Variants in CLUH observed in about 807,000 individuals in gnomAD.
The protein encoded by CLUH is clustered mitochondria protein homolog.
In CLUH, 77 loss-of-function variants were observed where a neutral mutation model predicts 139.3. The observed-to-expected ratio is 0.55, with a 90% CI of 0.46 to 0.67. The LOEUF is 0.67. Among genes scored for constraint, CLUH ranks in the 30% least tolerant of loss-of-function variants. The pLI is 0.00. For missense variants in CLUH, 1,876 were observed against 1,875.8 expected (o/e 1.00, Z 0.00); for synonymous variants, 999 against 801.6 (o/e 1.25, Z -4.16).
intron 9 of CLUH, among the ~76,000 whole-genome samples, chr17:2,699,593 G>A (rs1399664809): frequency 6.6e-6 from 1 of 152,074 alleles, no homozygotes; most frequent in Non-Finnish European, 1.5e-5. Flanking sequence ...CTCCCAAAGT[G>A]CTAGGATTAC....
At position 2,695,388 on chromosome 17, in the gene CLUH, G is replaced by T; in HGVS notation, c.2530C>A (p.Leu844Met). 1.9e-6 allele frequency: 3 copies of T among 1,612,820 alleles called. No individual in the cohort carries two copies. Among genetic ancestry groups the T allele is most frequent in the Non-Finnish European group, 2.5e-6 (3 of 1,179,702 alleles). ...LVLRSPARHQ[L>M]DHVFKIGIGE... ...GCAGCACTCACAAAGACGTGGTCCA[G>T]CTGGTGGCGGGCCGGGCTCCGCAGC... Residue 844 changes from leucine to methionine, a missense_variant, in exon 14 of 26, where the codon CTG becomes ATG. Physicochemically the swap from Leu to Met is conservative, Grantham distance 15. Coordinates refer to ENST00000651024, the MANE Select transcript of CLUH (RefSeq NM_001366661.1).
At position 2,694,861 on chromosome 17, in the gene CLUH, C is replaced by A; in HGVS notation, c.2848G>T (p.Glu950Ter). 1 of 1,495,204 alleles carries A rather than the reference C, an allele frequency of 6.7e-7. No homozygotes were observed. 92.6% of individuals were successfully genotyped at this position (1,495,204 alleles called of 1,614,324 possible). ...CCGCCCCTGCCCCGCACGCACCACT[C>A]GAGGTCGAAGTCAAAGTAGTTCTTG... ...EAKNYFDFDLECETVDQAVET... is the reference protein window; with the variant it reads ...EAKNYFDFDL Residue 950 changes from glutamate (E) to a stop codon, truncating the protein, a stop_gained, in exon 16 of 26, where the codon GAG (glutamate) becomes TAG (stop). Transcript: ENST00000651024. LOFTEE classifies it high-confidence loss of function.
At chr17:2,694,324 C>T (rs377396980) in intron 17 of CLUH, 48 bp from the exon 18 acceptor site, 2 of 1,546,720 alleles carry the variant, frequency 1.3e-6, no homozygotes, top group Admixed American at 1.9e-5. Context: ...CCAGGTTCAG[C>T]GGGTTGGCAC....
chr17:2,693,146 A>AAAAAAAAT (rs1231802236), intron 19 of CLUH, among the ~76,000 whole-genome samples: 1 of 150,106 alleles, frequency 6.7e-6, no homozygotes, highest in East Asian at 1.9e-4. Context: ...TGTTACAAAA[A>AAAAAAAAT]AAAAAAAAAA....
At position 2,700,428 on chromosome 17, in the gene CLUH, C is replaced by G; in HGVS notation, c.1220G>C (p.Arg407Pro). The G allele has an allele frequency of 6.2e-7, 1 of 1,613,316 alleles. No homozygotes were observed. Among genetic ancestry groups the G allele is most frequent in the Non-Finnish European group, 8.5e-7 (1 of 1,179,792 alleles). The change falls in exon 9 of 26, where the codon CGC (arginine) becomes CCC (proline). Residue 407 changes from arginine to proline, a missense_variant. Physicochemically the swap from Arg to Pro is moderately radical, Grantham distance 103. Around this residue, in one of 3 missense-constraint regions of CLUH, gnomAD observed 1,454 missense variants for 1,384.4 expected, o/e 1.05. Coordinates refer to ENST00000651024, the MANE Select transcript of CLUH (RefSeq NM_001366661.1). ...EELQTTRELP[R>P]KNLPERLLRE... is the part of the protein sequence containing the mutation. ...GAGCAGCCGCTCAGGCAGGTTCTTG[C>G]GAGGCAGCTCCCTCGTCGTCTGCAG...
At chr17:2,692,306 C>A in intron 22 of CLUH, 55 bp downstream of exon 22, 3 of 1,483,314 alleles carry the variant, frequency 2.0e-6, no homozygotes, top group Non-Finnish European at 2.7e-6. Flanking sequence ...CCCGCCCCCG[C>A]CGGCTGCCCC....
At chr17:2,702,404 A>G (rs568981671) in intron 3 of CLUH, among the ~76,000 whole-genome samples, 1 of 152,088 alleles carries the variant, frequency 6.6e-6, no homozygotes, top group Admixed American at 6.5e-5. Context: ...TGGGACTTCC[A>G]CACCACAGCC....
intron 6 of CLUH, 31 bp downstream of exon 6, chr17:2,701,335 A>AG (rs751956160): frequency 6.2e-7 from 1 of 1,606,196 alleles, no homozygotes; most frequent in Non-Finnish European, 8.5e-7. Context: ...CTGGCACGGC[A>AG]GGGGGGTGTG....
intron 13 of CLUH, chr17:2,695,782 C>T: frequency 1.7e-6 from 1 of 594,848 alleles, no homozygotes; most frequent in South Asian, 2.1e-5. Context: ...ACTTGACCCC[C>T]AGCCCCGTGT....
chr17:2,690,443 C>T lies in CLUH; in HGVS notation c.*151G>A. On this transcript the variant is annotated 3_prime_UTR_variant, in exon 26 of 26. Transcript: ENST00000651024. ...AACACCTTCTGCGGGGCAGGCAGGC[C>T]AGGCTCCCAGGAGGACACGGGGGTG... The T allele has an allele frequency of 1.6e-6, 1 of 615,224 alleles. No individual in the cohort carries two copies. Among genetic ancestry groups the T allele is most frequent in the Non-Finnish European group, 2.5e-6 (1 of 402,082 alleles). The allele number at this position is 615,224 out of a possible 1,614,324, so 38.1% of individuals were successfully genotyped here. A position where few individuals can be genotyped will look rare whatever the true frequency, so the allele number is the denominator to read the frequency against.
intron 10 of CLUH, 44 bp downstream of exon 10, chr17:2,697,852 C>T: frequency 2.8e-6 from 4 of 1,440,504 alleles, no homozygotes; most frequent in Non-Finnish European, 3.6e-6. Context: ...GCCCGCACTC[C>T]CTGCAGCTGG....
chr17:2,694,095 C>A (rs761119081), intron 18 of CLUH, 28 bp downstream of exon 18: 1 of 1,613,908 alleles, frequency 6.2e-7, no homozygotes, highest in East Asian at 2.2e-5. Context: ...GAACCCCCAC[C>A]TCCACCCAGC....
chr17:2,692,870 G>C lies in CLUH; in HGVS notation c.3232-10C>G. 1 of 1,575,036 alleles carries C rather than the reference G, an allele frequency of 6.3e-7. No individual in the cohort carries two copies. The highest frequency in any genetic ancestry group is 1.2e-5 in the South Asian group (1 of 86,398). Reference sequence around the variant, plus strand: ...GCTGGTTACTCAGGGCCTGGGGAGAGACAGTGGTGGTTGCCGCGGCGTGGG... The same window carrying C: ...GCTGGTTACTCAGGGCCTGGGGAGACACAGTGGTGGTTGCCGCGGCGTGGG... On this transcript the variant is annotated splice_polypyrimidine_tract_variant and intron_variant, in intron 19 of 25. Transcript: ENST00000651024.
Position 2,704,961 on chromosome 17 carries a change from C to T in CLUH, c.101-397G>A, listed in dbSNP as rs1276902156. Among the ~76,000 whole-genome samples, 1 of 152,208 alleles carries T rather than the reference C, an allele frequency of 6.6e-6. No individual in the cohort carries two copies. Among genetic ancestry groups the T allele is most frequent in the Non-Finnish European group, 1.5e-5 (1 of 68,032 alleles). Reference sequence around the variant, plus strand: ...CTTGCCCCTCCCTCTCCAGCTCCATCCTCTTCCATCCCTCCTGAGCTGTGG... The same window carrying T: ...CTTGCCCCTCCCTCTCCAGCTCCATTCTCTTCCATCCCTCCTGAGCTGTGG... On this transcript the variant is annotated intron_variant, in intron 1 of 25. Coordinates refer to ENST00000651024, the MANE Select transcript of CLUH (RefSeq NM_001366661.1). This position sits in a 1 kb window ranked among gnomAD's most constrained non-coding sequence, Gnocchi z 5.7.
rs770805106 is a variant in CLUH at position 2,691,647 on chromosome 17, C to T, written c.3825G>A (p.Gln1275=). Residue 1275 remains glutamine, a synonymous_variant, in exon 25 of 26, where the codon CAG becomes CAA. Transcript: ENST00000651024. ...AGAGGATGCCGTTAATGACGTTCAG[C>T]TGCTCCAAGACGCTGGCCATGCTGG... The part of the protein sequence containing the change: ...TAPSMASVLE[Q]LNVINGILFI... 6.2e-7 allele frequency: 1 copy of T among 1,612,750 alleles called. No individual in the cohort carries two copies.
chr17:2,708,175 G>C (rs2151725785), intron 1 of CLUH, among the ~76,000 whole-genome samples: 1 of 152,304 alleles, frequency 6.6e-6, no homozygotes, highest in East Asian at 1.9e-4. Flanking sequence ...CCCAGGGTGG[G>C]CGGGAGCCAG....
At chr17:2,692,549 G>A in intron 21 of CLUH, 22 bp downstream of exon 21, 3 of 1,598,622 alleles carry the variant, frequency 1.9e-6, no homozygotes, top group Non-Finnish European at 2.6e-6. Flanking sequence ...GGTCCCTGCC[G>A]CCCCCCCGCC....
intron 13 of CLUH, chr17:2,695,845 GAC>G: frequency 5.2e-6 from 3 of 577,072 alleles, no homozygotes; most frequent in South Asian, 4.3e-5. Context: ...CCTGGAACCA[GAC>G]ACAGAGCCTG....
intron 10 of CLUH, among the ~76,000 whole-genome samples, chr17:2,697,190 G>C (rs574629064): frequency 6.6e-6 from 1 of 152,306 alleles, no homozygotes; most frequent in African/African-American, 2.4e-5. Context: ...TTGAGGTTGG[G>C]AGTTCGAGAC....
Sources: gnomAD v4.1 joint callset for allele counts (sites outside exome capture counted in the v4.1 genomes callset) on GRCh38, gnomAD v4.1.1 for gene constraint, gnomAD v4.1.1 regional missense constraint, Gnocchi (gnomAD v3.1) non-coding constraint, MANE v1.5 for transcripts, NCBI Gene and HGNC (gene_info 2026-07-23, HGNC 2026-07-21) for gene names.